The following TP53BP2 variants were observed in gnomAD, a reference collection of about 807,000 sequenced individuals.
TP53BP2 encodes the protein apoptosis-stimulating of p53 protein 2.
TP53BP2 carries 62 observed loss-of-function variants against 126.2 expected under a neutral mutation model. The observed-to-expected ratio is 0.49, with a 90% CI of 0.40 to 0.61. The LOEUF is 0.61. Ranked by LOEUF, TP53BP2 falls within the 20% of genes least tolerant of loss-of-function variation. The pLI is 0.00. For missense variants in TP53BP2, 1,215 were observed against 1,402.8 expected (o/e 0.87, Z 2.14); for synonymous variants, 485 against 502.9 (o/e 0.96, Z 0.48).
rs983519732 is a variant in TP53BP2 at position 223,793,505 on chromosome 1, G to A, written c.2725-65C>T. The A allele has an allele frequency of 2.1e-6, 3 of 1,414,750 alleles. No homozygotes were observed. In the African/African-American group the frequency reaches 4.4e-5, roughly 21 times the overall value. 87.6% of individuals were successfully genotyped at this position (1,414,750 alleles called of 1,614,324 possible). On this transcript the variant is annotated intron_variant, in intron 13 of 17. Coordinates refer to ENST00000343537, the MANE Select transcript of TP53BP2 (RefSeq NM_001031685.3). ...ATGCAAGAGAACAACAGCAGCAAAT[G>A]GGAAGGAATGACTTCTCACCTAAAT...
intron 1 of TP53BP2, among the ~76,000 whole-genome samples, chr1:223,834,203 A>T (rs1663841474): frequency 6.6e-6 from 1 of 152,180 alleles, no homozygotes; most frequent in African/African-American, 2.4e-5. Flanking sequence ...GCAAGGGAAA[A>T]GTCACTAGAG....
intron 1 of TP53BP2, among the ~76,000 whole-genome samples, chr1:223,843,179 C>T (rs1343877451): frequency 7.5e-6 from 1 of 133,690 alleles, no homozygotes; most frequent in Non-Finnish European, 1.5e-5. Flanking sequence ...AATTTATTTG[C>T]ACTTTTTTTT....
At chr1:223,821,639 T>C (rs984846195) in intron 1 of TP53BP2, among the ~76,000 whole-genome samples, 1 of 152,182 alleles carries the variant, frequency 6.6e-6, no homozygotes, top group African/African-American at 2.4e-5. Context: ...GCCAGTTTTA[T>C]TCATGTTGTT....
chr1:223,829,456 G>A (rs1337800102), intron 1 of TP53BP2, among the ~76,000 whole-genome samples: 3 of 152,106 alleles, frequency 2.0e-5, no homozygotes, highest in Admixed American at 6.6e-5. Flanking sequence ...TAAGCATAAG[G>A]AAATAATGTT....
chr1:223,796,712 C>T lies in TP53BP2; in HGVS notation c.1949-122G>A. 1 of 819,564 alleles carries T rather than the reference C, an allele frequency of 1.2e-6. No individual in the cohort carries two copies. 50.8% of individuals were successfully genotyped at this position (819,564 alleles called of 1,614,324 possible). ...ATTTCATAGTTGTTACTACATAATC[C>T]CCTTCAAATATAATTAATTTTTAAA... On this transcript the variant is annotated intron_variant, in intron 12 of 17. Transcript: ENST00000343537. The surrounding 1 kb of genome is among the most constrained non-coding windows in gnomAD (Gnocchi z 4.2).
chr1:223,789,183 CAAGATACG>C lies in TP53BP2; in HGVS notation c.2997-17_2997-10del. On this transcript the variant is annotated splice_polypyrimidine_tract_variant and intron_variant, in intron 15 of 17. Transcript: ENST00000343537. ...CACAATGTAATGGAGTCCTGTGAAG[CAAGATACG>C]AGGGCTAGAACTGTTTTCCTAAACT... 1 of 1,613,936 alleles carries C rather than the reference CAAGATACG, an allele frequency of 6.2e-7. No homozygotes were observed. The highest frequency in any genetic ancestry group is 8.5e-7 in the Non-Finnish European group (1 of 1,179,888).
At position 223,835,297 on chromosome 1, in the gene TP53BP2, T is replaced by C. The variant is rs148815113; in HGVS notation, c.27+10357A>G. On this transcript the variant is annotated intron_variant, in intron 1 of 17. Transcript: ENST00000343537. The stretch of plus-strand genomic sequence containing the variant: ...AACTATGCCTGAAGCTGAATTTAGA[T>C]AAGTTTCAAATTCTGAACGTATCCT... Among the ~76,000 whole-genome samples, 60 of 152,342 alleles carry C rather than the reference T, an allele frequency of 3.9e-4. 1 individual carries two copies. Among genetic ancestry groups the C allele is most frequent in the African/African-American group, 1.2e-3 (50 of 41,578 alleles).
Position 223,787,928 on chromosome 1 carries a change from G to C in TP53BP2, c.3163+1080C>G, listed in dbSNP as rs1385116341. Reference sequence around the variant, plus strand: ...TAGATAATAATTAAAAATTAGCCAGGTGTGGTGGCAGGTGCCTGTGGTCCC... The same window carrying C: ...TAGATAATAATTAAAAATTAGCCAGCTGTGGTGGCAGGTGCCTGTGGTCCC... On this transcript the variant is annotated intron_variant, in intron 16 of 17. Transcript: ENST00000343537. Among the ~76,000 whole-genome samples, 4 of 152,058 alleles carry C rather than the reference G, an allele frequency of 2.6e-5. No individual in the cohort carries two copies. The East Asian group carries it at 5.8e-4, about 22-fold the overall frequency.
At position 223,786,619 on chromosome 1, in the gene TP53BP2, T is replaced by C. The variant is rs895152043; in HGVS notation, c.3164-2305A>G. ...GTGTGTGTGTGTGTATATTTTTTTTTCCCCCGAGATGGAGTCTCGCTCTGT... is the reference window on the plus strand; with the variant it reads ...GTGTGTGTGTGTGTATATTTTTTTTCCCCCCGAGATGGAGTCTCGCTCTGT... On this transcript the variant is annotated intron_variant, in intron 16 of 17. Coordinates refer to ENST00000343537, the MANE Select transcript of TP53BP2 (RefSeq NM_001031685.3). Among the ~76,000 whole-genome samples the C allele has an allele frequency of 1.3e-4, 19 of 151,448 alleles. 1 individual carries two copies. Among genetic ancestry groups the C allele is most frequent in the East Asian group, 3.9e-4 (2 of 5,146 alleles).
At chr1:223,836,820 G>T (rs1022574256) in intron 1 of TP53BP2, among the ~76,000 whole-genome samples, 1 of 152,138 alleles carries the variant, frequency 6.6e-6, no homozygotes, top group Non-Finnish European at 1.5e-5. Context: ...GGAGAAGACA[G>T]AAGAGAGGAA....
intron 1 of TP53BP2, among the ~76,000 whole-genome samples, chr1:223,833,131 T>C (rs955374280): frequency 6.6e-6 from 1 of 152,244 alleles, no homozygotes; most frequent in Non-Finnish European, 1.5e-5. Flanking sequence ...ATTAAACTGC[T>C]TTTAAAAATA....
At position 223,796,347 on chromosome 1, in the gene TP53BP2, A is replaced by T; in HGVS notation, c.2192T>A (p.Leu731Gln). Residue 731 changes from leucine to glutamine, a missense_variant, in exon 13 of 18, where the codon CTG becomes CAG. This residue lies in a region of TP53BP2 where 46 missense variants were observed against 93.0 expected (regional missense o/e 0.49). Transcript: ENST00000343537. This position sits in a 1 kb window ranked among gnomAD's most constrained non-coding sequence, Gnocchi z 4.2. Reference protein sequence around the residue: ...DADLEALRKKLSNAPRPLKKR... With the variant: ...DADLEALRKKQSNAPRPLKKR... ...CTTTAGAGGCCTTGGTGCGTTAGAC[A>T]GTTTCTTTCGTAAGGCTTCTAGGTC... 6.2e-7 allele frequency: 1 copy of T among 1,614,184 alleles called. No homozygotes were observed. The highest frequency in any genetic ancestry group is 8.5e-7 in the Non-Finnish European group (1 of 1,180,030).
chr1:223,795,712 C>G (rs1283073630), intron 13 of TP53BP2, 103 bp downstream of exon 13: 1 of 1,090,980 alleles, frequency 9.2e-7, no homozygotes, highest in Admixed American at 2.6e-5. Context: ...CCAAGGGAAT[C>G]GTAAAATAAA....
At position 223,798,365 on chromosome 1, in the gene TP53BP2, A is replaced by C; in HGVS notation, c.1798T>G (p.Leu600Val). The change falls in exon 12 of 18, where the codon TTA becomes GTA. Residue 600 changes from leucine (L) to valine (V), a missense_variant. Around this residue, in one of 4 missense-constraint regions of TP53BP2, gnomAD observed 814 missense variants for 853.0 expected, o/e 0.95. Transcript: ENST00000343537. ...PFTPQPSKDT[L>V]LPPFRKPQTV... Reference sequence around the variant, plus strand: ...TGGGGTTTTCTGAAGGGTGGAAGTAAGGTGTCTTTGGAAGGCTGGGGAGTA... The same window carrying C: ...TGGGGTTTTCTGAAGGGTGGAAGTACGGTGTCTTTGGAAGGCTGGGGAGTA... The C allele has an allele frequency of 1.9e-6, 3 of 1,614,146 alleles. No homozygotes were observed. The highest frequency in any genetic ancestry group is 2.5e-6 in the Non-Finnish European group (3 of 1,180,022).
chr1:223,825,595 A>G (rs1030645934), intron 1 of TP53BP2, among the ~76,000 whole-genome samples: 1 of 152,176 alleles, frequency 6.6e-6, no homozygotes, highest in Admixed American at 6.5e-5. Context: ...TTGTCCACTC[A>G]TATCTTCAGC....
chr1:223,844,345 T>C (rs996386526), intron 1 of TP53BP2, among the ~76,000 whole-genome samples: 6 of 152,180 alleles, frequency 3.9e-5, no homozygotes, highest in Admixed American at 2.0e-4. Flanking sequence ...GAAGAAACCA[T>C]ATAGCAACAA....
intron 16 of TP53BP2, among the ~76,000 whole-genome samples, chr1:223,786,386 T>C (rs1661954478): frequency 6.6e-6 from 1 of 152,168 alleles, no homozygotes; most frequent in South Asian, 2.1e-4. Flanking sequence ...CTGTGTGTAA[T>C]CTACTATCAT....
At chr1:223,825,026 A>ACACAC (rs1663440274) in intron 1 of TP53BP2, among the ~76,000 whole-genome samples, 3 of 143,470 alleles carry the variant, frequency 2.1e-5, no homozygotes, top group African/African-American at 7.8e-5. Context: ...TCCAACACCA[A>ACACAC]ACACACACAC....
At chr1:223,795,680 C>T in intron 13 of TP53BP2, 135 bp downstream of exon 13, 1 of 743,492 alleles carries the variant, frequency 1.3e-6, no homozygotes, top group Non-Finnish European at 2.0e-6. Context: ...ATTATGAAAA[C>T]ATTTATAAGA....
Sources: gnomAD v4.1 joint callset for allele counts (sites outside exome capture counted in the v4.1 genomes callset) on GRCh38, gnomAD v4.1.1 for gene constraint, gnomAD v4.1.1 regional missense constraint, Gnocchi (gnomAD v3.1) non-coding constraint, MANE v1.5 for transcripts, NCBI Gene and HGNC (gene_info 2026-07-23, HGNC 2026-07-21) for gene names.